The following DDX11 variants were observed in gnomAD, a reference collection of about 807,000 sequenced individuals.
DDX11 encodes the protein DEAD/H-box helicase 11, also known as ATP-dependent DNA helicase DDX11.
A neutral mutation model predicts 125.2 loss-of-function variants in DDX11; 72 were observed. The ratio of observed to expected loss-of-function variants is 0.58; its 90% CI spans 0.48 to 0.70. The LOEUF (loss-of-function observed/expected upper bound fraction) is 0.70. Ranked by LOEUF, DDX11 falls within the 30% of genes least tolerant of loss-of-function variation. The probability of loss-of-function intolerance (pLI) is 0.00; values close to 1 mark genes in which losing one functional copy is unlikely to be tolerated. For synonymous variants in DDX11, 347 were observed against 452.6 expected, an observed-to-expected ratio of 0.77 and a Z score of 2.96; for missense variants, 883 against 1,165.0, an observed-to-expected ratio of 0.76 and a Z score of 3.52.
intron 7 of DDX11, 103 bp downstream of exon 7, chr12:31,089,254 T>G (rs767444140): frequency 1.5e-6 from 2 of 1,364,292 alleles, no homozygotes; most frequent in Non-Finnish European, 2.1e-6. Flanking sequence ...TGTGACAGGC[T>G]GAACCGTGTG....
chr12:31,074,616 G>T (rs891670163), intron 1 of DDX11, among the ~76,000 whole-genome samples: 7 of 152,226 alleles, frequency 4.6e-5, no homozygotes, highest in African/African-American at 1.4e-4. Flanking sequence ...GCGAGCTCAG[G>T]ATGCACGTTG....
chr12:31,088,828 G>A (rs1284079806), intron 6 of DDX11, among the ~76,000 whole-genome samples: 1 of 152,240 alleles, frequency 6.6e-6, no homozygotes, highest in Admixed American at 6.5e-5. Flanking sequence ...TGCCTTTGGG[G>A]CATTCCCTTG....
In DDX11 at chr12:31,087,247, G is replaced by A. The variant is rs1414520537; in HGVS notation, c.639-691G>A. Among the ~76,000 whole-genome samples, 88 of 148,906 alleles carry A rather than the reference G, an allele frequency of 5.9e-4. 2 individuals are homozygous for A. The South Asian group carries it at 0.018, about 30-fold the overall frequency. On this transcript the variant is annotated intron_variant, in intron 5 of 26. Transcript: ENST00000542838. The stretch of plus-strand genomic sequence containing the variant: ...AAGTGACAGCATCCTCTGTTCACTC[G>A]ATTGGTCAGTTGTAGCTTCATCCAG...
chr12:31,076,895 C>T (rs1468052937), intron 1 of DDX11: 1 of 152,520 alleles, frequency 6.6e-6, no homozygotes, highest in African/African-American at 2.4e-5. Context: ...CCAAATATAC[C>T]TCTGTGAAGA....
chr12:31,099,529 C>T (rs868092173), intron 18 of DDX11, among the ~76,000 whole-genome samples: 3 of 150,600 alleles, frequency 2.0e-5, no homozygotes, highest in Non-Finnish European at 2.9e-5. Flanking sequence ...AATCATAGTA[C>T]CAATATTACT....
At chr12:31,092,959 G>C in intron 11 of DDX11, 67 bp downstream of exon 11, 1 of 1,593,278 alleles carries the variant, frequency 6.3e-7, no homozygotes, top group East Asian at 2.2e-5. Flanking sequence ...CCTCTGAGAG[G>C]CAGGCAGCAC....
In DDX11 at chr12:31,103,827, C is replaced by T. The variant is rs766938433; in HGVS notation, c.2712C>T (p.Ala904=). 2.5e-6 allele frequency: 4 copies of T among 1,613,944 alleles called. No individual in the cohort carries two copies. In the South Asian group the frequency reaches 4.4e-5, roughly 18 times the overall value. ...CCCAGTTTCACCGGGAGAAGTCGGC[C>T]TCTTCCTGATGGGCAACCACACCAC... ...AVQKFHREKS[A]SS is the part of the protein sequence containing the mutation. Residue 904 remains alanine, a synonymous_variant, in exon 27 of 27, where the codon GCC becomes GCT. Transcript: ENST00000542838.
At position 31,101,132 on chromosome 12, in the gene DDX11, T is replaced by C. The variant is rs746588141; in HGVS notation, c.2052+2T>C. The C allele has an allele frequency of 1.9e-5, 31 of 1,613,760 alleles. No individual in the cohort carries two copies. Among genetic ancestry groups the C allele is most frequent in the African/African-American group, 1.3e-5 (1 of 74,920 alleles). On this transcript the variant is annotated splice_donor_variant, in intron 20 of 26. Transcript: ENST00000542838. LOFTEE classifies it high-confidence loss of function. ...CAGAAAAGAGAGCTGCCTCAGATGG[T>C]CAGTCCCAGCCAGCTCGCCGCACCA...
rs1435432460 is a variant in DDX11, at chr12:31,101,769, G to A, written c.2053-64G>A. 6.8e-6 allele frequency: 11 copies of A among 1,607,600 alleles called. No homozygotes were observed. In the African/African-American group the frequency reaches 9.4e-5, roughly 14 times the overall value. On this transcript the variant is annotated intron_variant, in intron 20 of 26. Coordinates refer to ENST00000542838, the MANE Select transcript of DDX11 (RefSeq NM_030653.4). ...GTTTTGAGTCTCAAGGTGAAGACGC[G>A]GTTTGTGGGTGGCTGAGGGGTTGCT...
chr12:31,097,098 G>T, intron 17 of DDX11, 108 bp downstream of exon 17: 1 of 1,490,200 alleles, frequency 6.7e-7, no homozygotes, highest in South Asian at 1.2e-5. Context: ...AACTTCCTGG[G>T]TTAGGAGGAA....
In DDX11 at chr12:31,083,831, A is replaced by G. The variant is rs1257863154; in HGVS notation, c.163A>G (p.Ile55Val). ...CCTGCAGGGGAAGTCCTTAAGTCTT[A>G]TTTGTGGGGCCCTCTCTTGGCTCCG... The part of the protein sequence containing the change: ...PTGTGKSLSL[I>V]CGALSWLRDF... The change falls in exon 3 of 27, where the codon ATT (isoleucine) becomes GTT (valine). Residue 55 changes from isoleucine (I) to valine (V), a missense_variant. Ile to Val is a conservative substitution (Grantham distance 29). This residue lies in a region of DDX11 where 283 missense variants were observed against 359.6 expected (regional missense o/e 0.79). Transcript: ENST00000542838. The G allele has an allele frequency of 6.2e-7, 1 of 1,611,876 alleles. No homozygotes were observed. Among genetic ancestry groups the G allele is most frequent in the African/African-American group, 1.3e-5 (1 of 74,756 alleles).
chr12:31,075,424 G>A (rs1456471503), intron 1 of DDX11, among the ~76,000 whole-genome samples: 1 of 151,984 alleles, frequency 6.6e-6, no homozygotes, highest in Admixed American at 6.6e-5. Flanking sequence ...GTGGCTTGGG[G>A]GTCTGGCAGA....
chr12:31,091,951 A>G (rs1165058927), intron 10 of DDX11, 80 bp downstream of exon 10: 41 of 1,595,660 alleles, frequency 2.6e-5, no homozygotes, highest in Non-Finnish European at 3.5e-5. Context: ...CACCTGGGCC[A>G]AGAGTTCCTC....
chr12:31,096,741 T>C lies in DDX11; in HGVS notation c.1626T>C (p.Thr542=), dbSNP rs1592755708. ...TGCAGAGCCTGCAGCCCAGGACGAC[T>C]GAAGGTGAGGCAGGAGGGTGGGCAG... The part of the protein sequence containing the change: ...QFLQSLQPRT[T]EALAAPADES... Residue 542 remains threonine, a synonymous_variant, in exon 16 of 27, where the codon ACT becomes ACC. Coordinates refer to ENST00000542838, the MANE Select transcript of DDX11 (RefSeq NM_030653.4). The C allele has an allele frequency of 1.4e-5, 22 of 1,614,134 alleles. No individual in the cohort carries two copies. The East Asian group carries it at 4.7e-4, about 34-fold the overall frequency.
chr12:31,095,052 G>T (rs10771800), intron 14 of DDX11, among the ~76,000 whole-genome samples: 81,716 of 151,966 alleles, frequency 0.54, 23,179 homozygotes, highest in East Asian at 0.82. Flanking sequence ...CCATAGAACA[G>T]ATAGAGACTC....
At chr12:31,084,714 T>A (rs1422099104) in intron 4 of DDX11, 45 bp downstream of exon 4, 1 of 1,547,250 alleles carries the variant, frequency 6.5e-7, no homozygotes, top group East Asian at 2.4e-5. Context: ...CAGGCAGGGT[T>A]GCTCTGCTTG....
At chr12:31,095,986 C>T (rs1945155082) in intron 14 of DDX11, among the ~76,000 whole-genome samples, 1 of 151,046 alleles carries the variant, frequency 6.6e-6, no homozygotes, top group African/African-American at 2.4e-5. Flanking sequence ...TCCCAGCCAT[C>T]ATCTCCTCTG....
chr12:31,085,246 C>T, intron 5 of DDX11, 120 bp downstream of exon 5: 2 of 1,353,632 alleles, frequency 1.5e-6, no homozygotes, highest in Non-Finnish European at 2.1e-6. Flanking sequence ...GGCCTCTGCC[C>T]TCTGCTCTAA....
chr12:31,084,902 A>G (rs532130007), intron 4 of DDX11, 67 bp from the exon 5 acceptor site: 3 of 1,546,170 alleles, frequency 1.9e-6, no homozygotes, highest in East Asian at 2.4e-5. Flanking sequence ...TGTCTCTGGC[A>G]TGTGGGGAGG....
Sources: allele counts gnomAD v4.1 joint callset (sites outside exome capture counted in the v4.1 genomes callset), GRCh38; gene constraint gnomAD v4.1.1; regional missense constraint gnomAD v4.1.1; transcripts MANE v1.5; gene names NCBI Gene and HGNC (gene_info 2026-07-23, HGNC 2026-07-21).